SHB: variants seen among roughly 807,000 people sequenced by gnomAD.
SHB encodes the protein SH2 domain containing adaptor protein B.
Under a neutral mutation model 52.3 loss-of-function variants are expected in SHB, and 20 were observed. That is an observed-to-expected ratio of 0.38 (90% CI 0.27 to 0.56). The LOEUF (loss-of-function observed/expected upper bound fraction) is 0.56, where lower values mean the gene tolerates loss of function less well. Among genes scored for constraint, SHB ranks in the 20% least tolerant of loss-of-function variants. SHB has a pLI of 0.71. For missense variants in SHB, 825 were observed against 723.3 expected, an observed-to-expected ratio of 1.14 and a Z score of -1.61; for synonymous variants, 397 against 316.5, an observed-to-expected ratio of 1.25 and a Z score of -2.70.
At chr9:38,047,434 T>G (rs1457661623) in intron 1 of SHB, among the ~76,000 whole-genome samples, 2 of 152,216 alleles carry the variant, frequency 1.3e-5, no homozygotes, top group African/African-American at 4.8e-5. Flanking sequence ...TGCAGAAAAC[T>G]GGAGACTGCA....
At chr9:37,992,093 A>G (rs1820888703) in intron 2 of SHB, among the ~76,000 whole-genome samples, 1 of 152,210 alleles carries the variant, frequency 6.6e-6, no homozygotes, top group Admixed American at 6.5e-5. Flanking sequence ...TTTATGGGAA[A>G]ACACTGAACA....
At chr9:37,937,779 T>C (rs1331328229) in intron 5 of SHB, among the ~76,000 whole-genome samples, 2 of 152,322 alleles carry the variant, frequency 1.3e-5, no homozygotes, top group East Asian at 1.9e-4. Flanking sequence ...GAGAAGAATA[T>C]ACAGTGCTTA....
At chr9:38,049,660 G>A (rs955998288) in intron 1 of SHB, among the ~76,000 whole-genome samples, 11 of 147,500 alleles carry the variant, frequency 7.5e-5, no homozygotes, top group Admixed American at 4.8e-4. Flanking sequence ...AAAGGAAACA[G>A]GCTCAGAGAG....
chr9:38,064,052 A>C (rs1259047460), intron 1 of SHB, among the ~76,000 whole-genome samples: 1 of 152,138 alleles, frequency 6.6e-6, no homozygotes, highest in Admixed American at 6.5e-5. Context: ...TTGGCTGCAC[A>C]AAAGGAGACC....
chr9:37,987,411 T>C (rs12377918), intron 2 of SHB, among the ~76,000 whole-genome samples: 10,886 of 152,254 alleles, frequency 0.071, 563 homozygotes, highest in Non-Finnish European at 0.098. Flanking sequence ...CCAAAGTCCA[T>C]GTCCTTAACT....
chr9:37,936,381 C>T (rs148444497), intron 5 of SHB, among the ~76,000 whole-genome samples: 102 of 152,342 alleles, frequency 6.7e-4, no homozygotes, highest in African/African-American at 2.4e-3. Context: ...ATTTTTCCCA[C>T]ACACATGCGT....
rs1431668137 is a variant in SHB at position 37,919,867 on chromosome 9, G to A, written c.1484C>T (p.Ala495Val). The stretch of plus-strand genomic sequence containing the variant: ...GGGATAGAGGAGGGACAAGTGCTCA[G>A]CCCCTTTGATGGGTAGCTTTCTGGT... ...YTTRKLPIKG[A>V]EHLSLLYPVA... Residue 495 changes from alanine (A) to valine (V), a missense_variant, in exon 6 of 6, where the codon GCT becomes GTT. Coordinates refer to ENST00000377707, the MANE Select transcript of SHB (RefSeq NM_003028.3). 1.9e-6 allele frequency: 3 copies of A among 1,614,148 alleles called. No homozygotes were observed. The highest frequency in any genetic ancestry group is 4.5e-5 in the East Asian group (2 of 44,882).
chr9:38,015,492 A>G (rs1299721699), intron 2 of SHB: 1 of 702,080 alleles, frequency 1.4e-6, no homozygotes. Context: ...TGTCATGTAG[A>G]CCAGGGTTAT....
At chr9:38,050,421 T>A (rs182687949) in intron 1 of SHB, among the ~76,000 whole-genome samples, 7 of 152,324 alleles carry the variant, frequency 4.6e-5, no homozygotes, top group African/African-American at 1.2e-4. Context: ...CATTCAAACC[T>A]ACCTTTGAAA....
intron 2 of SHB, among the ~76,000 whole-genome samples, chr9:38,011,093 A>G (rs7857415): frequency 0.056 from 8,555 of 152,294 alleles, 582 homozygotes; most frequent in African/African-American, 0.16. Flanking sequence ...CACCCAAGTC[A>G]GCCTGATCAG....
intron 4 of SHB, among the ~76,000 whole-genome samples, chr9:37,949,724 T>A (rs1832542575): frequency 6.6e-6 from 1 of 152,166 alleles, no homozygotes; most frequent in Non-Finnish European, 1.5e-5. Context: ...CTCAGGGATG[T>A]GTGCAGACAT....
chr9:38,020,931 C>T (rs540514203), intron 1 of SHB, among the ~76,000 whole-genome samples: 23 of 152,192 alleles, frequency 1.5e-4, no homozygotes, highest in African/African-American at 1.9e-4. Flanking sequence ...TCAGCAAACT[C>T]GTTCTAGGAA....
At chr9:37,964,134 A>C (rs1564089721) in intron 3 of SHB, among the ~76,000 whole-genome samples, 1 of 152,194 alleles carries the variant, frequency 6.6e-6, no homozygotes, top group Non-Finnish European at 1.5e-5. Context: ...AGGATCACCA[A>C]CAAGAGGCCT....
At chr9:37,973,746 G>A (rs1234789276) in intron 3 of SHB, among the ~76,000 whole-genome samples, 2 of 152,176 alleles carry the variant, frequency 1.3e-5, no homozygotes, top group African/African-American at 4.8e-5. Flanking sequence ...TCTTGGCCAG[G>A]GGAGGGTCAT....
At chr9:38,053,154 C>A (rs1821772972) in intron 1 of SHB, among the ~76,000 whole-genome samples, 1 of 152,202 alleles carries the variant, frequency 6.6e-6, no homozygotes. Flanking sequence ...GGCTGGAACC[C>A]CAGCTCCAGC....
rs180791472 is a variant in SHB, at chr9:38,036,743, C to T, written c.718-20612G>A. 5.4e-3 allele frequency among the ~76,000 whole-genome samples: 829 copies of T among 152,304 alleles called. 12 individuals are homozygous for T. Among genetic ancestry groups the T allele is most frequent in the African/African-American group, 0.019 (787 of 41,544 alleles). On this transcript the variant is annotated intron_variant, in intron 1 of 5. Coordinates refer to ENST00000377707, the MANE Select transcript of SHB (RefSeq NM_003028.3). ...CTTGAGAGAGCAAGGATGGGAGAAG[C>T]TGAATAATAATACAAGAAATACTGA... is the stretch of plus-strand genomic sequence containing the variant.
chr9:37,943,449 A>T (rs1053951065), intron 5 of SHB, among the ~76,000 whole-genome samples: 1 of 152,182 alleles, frequency 6.6e-6, no homozygotes, highest in African/African-American at 2.4e-5. Context: ...GCTGTGAACA[A>T]CCAAGTGCCA....
At position 37,939,285 on chromosome 9, in the gene SHB, C is replaced by G. The variant is rs563116604; in HGVS notation, c.1346+9350G>C. On this transcript the variant is annotated intron_variant, in intron 5 of 5. Transcript: ENST00000377707. ...TTCTAAGCTTAGCTGGAGCAAATGG[C>G]TGAGAAGGGTCAGGAAAGAACAGTG... Among the ~76,000 whole-genome samples the G allele has an allele frequency of 4.6e-5, 7 of 152,338 alleles. No individual in the cohort carries two copies. The South Asian group carries it at 1.4e-3, about 32-fold the overall frequency.
At chr9:37,932,231 C>A (rs1455909155) in intron 5 of SHB, among the ~76,000 whole-genome samples, 1 of 143,868 alleles carries the variant, frequency 7.0e-6, no homozygotes, top group Non-Finnish European at 1.5e-5. Flanking sequence ...CAAGATCGCG[C>A]CACTGCACTC....
Sources: gnomAD v4.1 joint callset for allele counts (sites outside exome capture counted in the v4.1 genomes callset) on GRCh38, gnomAD v4.1.1 for gene constraint, MANE v1.5 for transcripts, NCBI Gene and HGNC (gene_info 2026-07-23, HGNC 2026-07-21) for gene names.